The following ADAMTSL3 variants were observed in gnomAD, a reference collection of about 807,000 sequenced individuals.
The protein encoded by ADAMTSL3 is ADAMTS like 3, also known as ADAMTS-like protein 3.
ADAMTSL3 carries 128 observed loss-of-function variants against 201.7 expected under a neutral mutation model. That is an observed-to-expected ratio of 0.63 (90% confidence interval 0.55 to 0.73). ADAMTSL3 has a LOEUF of 0.73. Among genes scored for constraint, ADAMTSL3 ranks in the 30% least tolerant of loss-of-function variants. ADAMTSL3 has a pLI of 0.00. For missense variants in ADAMTSL3, 1,990 were observed against 2,119.6 expected, an observed-to-expected ratio of 0.94 and a Z score of 1.20; for synonymous variants, 738 against 748.4, an observed-to-expected ratio of 0.99 and a Z score of 0.23.
chr15:83,721,042 TTCTTCCCC>T (rs760465143), intron 3 of ADAMTSL3, among the ~76,000 whole-genome samples: 39 of 152,256 alleles, frequency 2.6e-4, no homozygotes, highest in Non-Finnish European at 5.4e-4. Flanking sequence ...AGACATTTTG[TTCTTCCCC>T]AGGTTCAGAT....
At chr15:83,968,954 G>A (rs1353835930) in intron 19 of ADAMTSL3, among the ~76,000 whole-genome samples, 1 of 152,146 alleles carries the variant, frequency 6.6e-6, no homozygotes, top group Non-Finnish European at 1.5e-5. Flanking sequence ...GTTGAACAAT[G>A]AGAACACATG....
chr15:83,766,785 TTGTA>T (rs2062899020), intron 3 of ADAMTSL3, among the ~76,000 whole-genome samples: 1 of 152,194 alleles, frequency 6.6e-6, no homozygotes. Context: ...TACACGTTCA[TTGTA>T]TGACATTAGA....
At chr15:83,839,482 AT>A (rs2064334861) in intron 7 of ADAMTSL3, among the ~76,000 whole-genome samples, 2 of 152,298 alleles carry the variant, frequency 1.3e-5, no homozygotes, top group South Asian at 4.1e-4. Flanking sequence ...CCTCAAAGCA[AT>A]TTAGGCAGTG....
chr15:83,979,543 T>G (rs1176799134), intron 20 of ADAMTSL3, among the ~76,000 whole-genome samples: 1 of 152,256 alleles, frequency 6.6e-6, no homozygotes, highest in Non-Finnish European at 1.5e-5. Flanking sequence ...GATTGTGTCT[T>G]GAATTTTATA....
intron 9 of ADAMTSL3, among the ~76,000 whole-genome samples, chr15:83,877,147 C>T (rs1358328191): frequency 6.6e-6 from 1 of 152,082 alleles, no homozygotes; most frequent in East Asian, 1.9e-4. Context: ...GCTGTGTTGC[C>T]CAGGCTGGTC....
chr15:83,867,994 C>G (rs1038259623), intron 8 of ADAMTSL3, among the ~76,000 whole-genome samples: 1 of 152,144 alleles, frequency 6.6e-6, no homozygotes, highest in Non-Finnish European at 1.5e-5. Context: ...CTAATTTTTA[C>G]TCTTTTTGAG....
chr15:83,910,969 C>G, intron 15 of ADAMTSL3, among the ~76,000 whole-genome samples: 1 of 152,144 alleles, frequency 6.6e-6, no homozygotes, highest in African/African-American at 2.4e-5. Context: ...CATCTCCTCT[C>G]GAGATTCTCA....
At position 83,991,119 on chromosome 15, in the gene ADAMTSL3, T is replaced by C; in HGVS notation, c.3878T>C (p.Ile1293Thr). The C allele has an allele frequency of 1.2e-6, 2 of 1,614,208 alleles. No individual in the cohort carries two copies. The highest frequency in any genetic ancestry group is 1.7e-5 in the Admixed American group (1 of 60,028). Residue 1293 changes from isoleucine (I) to threonine (T), a missense_variant, in exon 23 of 30, where the codon ATC becomes ACC. Coordinates refer to ENST00000286744, the MANE Select transcript of ADAMTSL3 (RefSeq NM_207517.3). ...APVILSVERN[I>T]TKPEHNHLSV... ...GTCATCTTGTCTGTTGAAAGAAATA[T>C]CACCAAACCAGAGCACAACCATCTG...
chr15:83,970,377 T>C, intron 19 of ADAMTSL3, 107 bp from the exon 20 acceptor site: 2 of 1,319,046 alleles, frequency 1.5e-6, no homozygotes, highest in Non-Finnish European at 1.1e-6. Context: ...TCTTGGCACA[T>C]CCGTACTGAA....
intron 10 of ADAMTSL3, among the ~76,000 whole-genome samples, chr15:83,885,463 A>G (rs1262153984): frequency 2.0e-5 from 3 of 151,902 alleles, no homozygotes; most frequent in East Asian, 3.9e-4. Flanking sequence ...ACAAAACAAA[A>G]CTGTAAACAA....
chr15:83,866,544 G>A (rs1245945652), intron 8 of ADAMTSL3, among the ~76,000 whole-genome samples: 1 of 151,986 alleles, frequency 6.6e-6, no homozygotes, highest in Non-Finnish European at 1.5e-5. Flanking sequence ...TCACTCATAG[G>A]TGGGAATTGA....
Position 83,873,076 on chromosome 15 carries a change from G to T in ADAMTSL3, c.960+2117G>T, listed in dbSNP as rs1206194272. Among the ~76,000 whole-genome samples, 4 of 144,916 alleles carry T rather than the reference G, an allele frequency of 2.8e-5. 1 individual carries two copies. Among genetic ancestry groups the T allele is most frequent in the African/African-American group, 1.1e-4 (4 of 37,868 alleles). On this transcript the variant is annotated intron_variant, in intron 9 of 29. Coordinates refer to ENST00000286744, the MANE Select transcript of ADAMTSL3 (RefSeq NM_207517.3). ...TCCCAGCACTTAGGGAGGCCAAGGCGGGTGGATCACCTGAGGTCAGGAGTT... is the reference window on the plus strand; with the variant it reads ...TCCCAGCACTTAGGGAGGCCAAGGCTGGTGGATCACCTGAGGTCAGGAGTT...
intron 3 of ADAMTSL3, among the ~76,000 whole-genome samples, chr15:83,749,732 G>A (rs1276782003): frequency 1.3e-5 from 2 of 152,154 alleles, no homozygotes; most frequent in African/African-American, 4.8e-5. Flanking sequence ...AGTGGCAGGA[G>A]GTCCAAGGCA....
At chr15:83,718,696 A>G (rs1027722948) in intron 3 of ADAMTSL3, among the ~76,000 whole-genome samples, 1 of 151,950 alleles carries the variant, frequency 6.6e-6, no homozygotes, top group Admixed American at 6.6e-5. Context: ...GTCTCAAAAA[A>G]AAAAAAAAAA....
intron 3 of ADAMTSL3, among the ~76,000 whole-genome samples, chr15:83,754,322 G>A (rs2062685155): frequency 6.6e-6 from 1 of 152,122 alleles, no homozygotes; most frequent in South Asian, 2.1e-4. Context: ...TCTGCCTTGG[G>A]ATGTCCTGAG....
rs144583369 is a variant in ADAMTSL3 at position 83,913,322 on chromosome 15, C to T, written c.1931C>T (p.Thr644Met). 70 of 1,613,780 alleles carry T rather than the reference C, an allele frequency of 4.3e-5. No individual in the cohort carries two copies. The African/African-American group carries it at 5.5e-4, about 13-fold the overall frequency. Residue 644 changes from threonine to methionine, a missense_variant, in exon 16 of 30, where the codon ACG becomes ATG. Transcript: ENST00000286744. ...LDIPLPEDSETTYDWEYAGFT... is the reference protein window; with the variant it reads ...LDIPLPEDSEMTYDWEYAGFT... ...ATCCCTCTCCCTGAGGACAGTGAGA[C>T]GACTTACGACTGGGAGTACGCTGGG...
intron 24 of ADAMTSL3, among the ~76,000 whole-genome samples, chr15:84,015,134 T>C (rs1045553758): frequency 3.3e-5 from 5 of 152,034 alleles, no homozygotes; most frequent in Non-Finnish European, 7.4e-5. Context: ...TTAGTAGAGA[T>C]GGGGTTTCAC....
chr15:83,762,931 G>T (rs992711411), intron 3 of ADAMTSL3, among the ~76,000 whole-genome samples: 4 of 151,786 alleles, frequency 2.6e-5, no homozygotes, highest in Non-Finnish European at 4.4e-5. Context: ...CTGTCACCCA[G>T]GCTGGAGTGC....
At chr15:83,717,818 A>C (rs1461481827) in intron 3 of ADAMTSL3, among the ~76,000 whole-genome samples, 1 of 152,248 alleles carries the variant, frequency 6.6e-6, no homozygotes, top group Non-Finnish European at 1.5e-5. Context: ...ATATCCAAGG[A>C]TAAAAGAACT....
Sources: gnomAD v4.1 joint callset for allele counts (sites outside exome capture counted in the v4.1 genomes callset) on GRCh38, gnomAD v4.1.1 for gene constraint, MANE v1.5 for transcripts, NCBI Gene and HGNC (gene_info 2026-07-23, HGNC 2026-07-21) for gene names.